The following SLC16A6 variants were observed in gnomAD, a reference collection of about 807,000 sequenced individuals.
SLC16A6 encodes monocarboxylate transporter 7.
A neutral mutation model predicts 33.8 loss-of-function variants in SLC16A6; 15 were observed. The observed-to-expected ratio is 0.44, with a 90% CI of 0.30 to 0.68. The LOEUF is 0.68. Among genes scored for constraint, SLC16A6 ranks in the 30% least tolerant of loss-of-function variants. The probability of loss-of-function intolerance (pLI) is 0.10; values close to 1 mark genes in which losing one functional copy is unlikely to be tolerated. For missense variants in SLC16A6, 451 were observed against 661.5 expected (o/e 0.68, Z 3.49); for synonymous variants, 219 against 248.4 (o/e 0.88, Z 1.11).
At position 68,271,574 on chromosome 17, in the gene SLC16A6, A is replaced by C; in HGVS notation, c.586T>G (p.Phe196Val). ...AAGATGGGTCTGAGCAGTGCTCCGA[A>C]GATGACAATGTTTAACTGTAGTAGG... The part of the protein sequence containing the change: ...VGLLQLNIVI[F>V]GALLRPIFIR... The change falls in exon 5 of 6, where the codon TTC (phenylalanine) becomes GTC (valine). Residue 196 changes from phenylalanine (F) to valine (V), a missense_variant. By Grantham distance (50) the Phe-to-Val change is conservative (BLOSUM62 -1). Around this residue, in one of 2 missense-constraint regions of SLC16A6, gnomAD observed 405 missense variants for 510.7 expected, o/e 0.79. Transcript: ENST00000580666. This position sits in a 1 kb window ranked among gnomAD's most constrained non-coding sequence, Gnocchi z 5.3. 1 of 1,614,204 alleles carries C rather than the reference A, an allele frequency of 6.2e-7. No individual in the cohort carries two copies. The highest frequency in any genetic ancestry group is 8.5e-7 in the Non-Finnish European group (1 of 1,180,030).
chr17:68,291,182 G>T (rs1028409467), upstream of SLC16A6: 1 of 152,004 alleles, frequency 6.6e-6, no homozygotes, highest in African/African-American at 2.4e-5. Context: ...CATGAGAAAA[G>T]GATTAACCCC....
Position 68,278,267 on chromosome 17 carries a change from C to T in SLC16A6, c.54G>A (p.Val18=). 6.2e-7 allele frequency: 1 copy of T among 1,614,198 alleles called. No homozygotes were observed. Among genetic ancestry groups the T allele is most frequent in the Non-Finnish European group, 8.5e-7 (1 of 1,180,020 alleles). The part of the protein sequence containing the change: ...LCSKANVYTE[V]PDGGWGWAVA... ...CCGCCCAGCCCCATCCTCCATCAGG[C>T]ACTTCAGTATACACATTGGCTTTGG... The change falls in exon 2 of 6, where the codon GTG becomes GTA. Residue 18 remains valine, a synonymous_variant. Transcript: ENST00000580666.
At chr17:68,273,564 A>G (rs2075412948) in intron 3 of SLC16A6, among the ~76,000 whole-genome samples, 1 of 152,148 alleles carries the variant, frequency 6.6e-6, no homozygotes, top group African/African-American at 2.4e-5. Context: ...CCCAAGAATA[A>G]GTCTGGCATG....
In SLC16A6 at chr17:68,267,851, T is replaced by C. The variant is rs1233856042; in HGVS notation, c.*1245A>G. Reference sequence around the variant, plus strand: ...AGTCATGTGTTATAGAAGATGTAAATTGCAACTTGTAACTCGCTATAACAT... The same window carrying C: ...AGTCATGTGTTATAGAAGATGTAAACTGCAACTTGTAACTCGCTATAACAT... On this transcript the variant is annotated 3_prime_UTR_variant, in exon 6 of 6. Transcript: ENST00000580666. 9.2e-5 allele frequency: 14 copies of C among 152,332 alleles called. No homozygotes were observed. The highest frequency in any genetic ancestry group is 5.8e-4 in the East Asian group (3 of 5,192). 9.4% of individuals were successfully genotyped at this position (152,332 alleles called of 1,614,324 possible).
At chr17:68,290,739 G>A (rs1291549807) in intron 1 of SLC16A6, among the ~76,000 whole-genome samples, 3 of 152,228 alleles carry the variant, frequency 2.0e-5, no homozygotes, top group Non-Finnish European at 4.4e-5. Context: ...GAGGGGCTGA[G>A]CCTGGAGCCC....
At position 68,274,043 on chromosome 17, in the gene SLC16A6, C is replaced by T. The variant is rs782723811; in HGVS notation, c.260G>A (p.Arg87His). Residue 87 changes from arginine to histidine, a missense_variant, in exon 3 of 6, where the codon CGT becomes CAT. By Grantham distance (29) the Arg-to-His change is conservative. Around this residue, in one of 2 missense-constraint regions of SLC16A6, gnomAD observed 405 missense variants for 510.7 expected, o/e 0.79. Coordinates refer to ENST00000580666, the MANE Select transcript of SLC16A6 (RefSeq NM_004694.5). ...SAPLATVLSN[R>H]FGHRLVVMLG... ...CATCACTACCAGACGGTGTCCGAAA[C>T]GATTGCTCAGGACTGTGGCGAGGGG... 13 of 1,613,992 alleles carry T rather than the reference C, an allele frequency of 8.1e-6. No homozygotes were observed. In the East Asian group the frequency reaches 2.4e-4, roughly 30 times the overall value.
rs782088485 is a variant in SLC16A6 at position 68,271,244 on chromosome 17, G to A, written c.916C>T (p.Leu306=). 6.2e-7 allele frequency: 1 copy of A among 1,614,142 alleles called. No individual in the cohort carries two copies. The highest frequency in any genetic ancestry group is 8.5e-7 in the Non-Finnish European group (1 of 1,180,032). ...CYALFGLFAT[L]GFFAPSLYII... ...TACAAGGAAGGTGCAAAGAATCCCA[G>A]TGTTGCAAAGAGACCAAATAATGCA... Residue 306 remains leucine (L), a synonymous_variant, in exon 5 of 6, where the codon CTG becomes TTG. Transcript: ENST00000580666. This position sits in a 1 kb window ranked among gnomAD's most constrained non-coding sequence, Gnocchi z 5.3.
Position 68,268,990 on chromosome 17 carries a change from T to C in SLC16A6, c.*106A>G. 1 of 1,532,402 alleles carries C rather than the reference T, an allele frequency of 6.5e-7. No individual in the cohort carries two copies. The highest frequency in any genetic ancestry group is 8.8e-7 in the Non-Finnish European group (1 of 1,141,276). The allele number at this position is 1,532,402 out of a possible 1,614,324, so 94.9% of individuals were successfully genotyped here. On this transcript the variant is annotated 3_prime_UTR_variant, in exon 6 of 6. Coordinates refer to ENST00000580666, the MANE Select transcript of SLC16A6 (RefSeq NM_004694.5). ...TACACATTCCCTTTAAAATGTAGTTTTGAAAGTGGAGTAGAGGGGTTAGCT... is the reference window on the plus strand; with the variant it reads ...TACACATTCCCTTTAAAATGTAGTTCTGAAAGTGGAGTAGAGGGGTTAGCT...
intron 3 of SLC16A6, among the ~76,000 whole-genome samples, chr17:68,273,153 C>G (rs1169977647): frequency 5.9e-5 from 9 of 151,816 alleles, no homozygotes; most frequent in Admixed American, 5.3e-4. Context: ...ATCTTAACAA[C>G]TGTGTGTGTA....
At chr17:68,276,828 A>G (rs532566632) in intron 2 of SLC16A6, among the ~76,000 whole-genome samples, 1 of 152,270 alleles carries the variant, frequency 6.6e-6, no homozygotes, top group South Asian at 2.1e-4. Flanking sequence ...TGACAGACCA[A>G]TGAACTCATG....
At chr17:68,270,721 T>G in intron 5 of SLC16A6, 118 bp downstream of exon 5, 1 of 862,644 alleles carries the variant, frequency 1.2e-6, no homozygotes, top group Non-Finnish European at 1.8e-6. Flanking sequence ...CCCTGGCAGC[T>G]CTAAAATTCA....
At chr17:68,273,904 C>T (rs1217265023) in intron 3 of SLC16A6, 23 bp downstream of exon 3, 1 of 1,611,458 alleles carries the variant, frequency 6.2e-7, no homozygotes, top group Non-Finnish European at 8.5e-7. Context: ...TAGACAACTT[C>T]TGAGCCAAAG....
chr17:68,277,992 A>G (rs2075578964), intron 2 of SLC16A6, 97 bp downstream of exon 2: 2 of 765,704 alleles, frequency 2.6e-6, no homozygotes, highest in East Asian at 5.3e-5. Flanking sequence ...GTATAAGGGA[A>G]TGAAAGCATC....
intron 1 of SLC16A6, among the ~76,000 whole-genome samples, chr17:68,284,531 A>G (rs1555753827): frequency 1.3e-5 from 2 of 152,222 alleles, no homozygotes; most frequent in East Asian, 1.9e-4. Context: ...TGTTGGGTCA[A>G]AGTTACTAAG....
At chr17:68,287,738 T>A (rs2075873093) in intron 1 of SLC16A6, among the ~76,000 whole-genome samples, 1 of 152,150 alleles carries the variant, frequency 6.6e-6, no homozygotes, top group Admixed American at 6.5e-5. Context: ...TAAATTTAGC[T>A]TTGAAGATAA....
At chr17:68,288,762 C>G (rs1318632528) in intron 1 of SLC16A6, among the ~76,000 whole-genome samples, 1 of 152,204 alleles carries the variant, frequency 6.6e-6, no homozygotes, top group Non-Finnish European at 1.5e-5. Context: ...AGTTGGTCTT[C>G]TTAAAGCTCT....
chr17:68,288,501 A>T (rs1555754889), intron 1 of SLC16A6, among the ~76,000 whole-genome samples: 2 of 152,064 alleles, frequency 1.3e-5, no homozygotes, highest in African/African-American at 2.4e-5. Flanking sequence ...CTGTGTAGGG[A>T]TCTAACTGGT....
intron 2 of SLC16A6, among the ~76,000 whole-genome samples, chr17:68,277,235 G>T (rs1012965921): frequency 6.6e-6 from 1 of 150,698 alleles, no homozygotes; most frequent in Admixed American, 6.6e-5. Context: ...AGGTTCACAC[G>T]ATTCTCCTAC....
At chr17:68,288,404 T>C (rs1310301396) in intron 1 of SLC16A6, among the ~76,000 whole-genome samples, 4 of 152,182 alleles carry the variant, frequency 2.6e-5, no homozygotes, top group Non-Finnish European at 5.9e-5. Context: ...TGCAGAAGCC[T>C]CTGTAAGTTC....
Sources: allele counts gnomAD v4.1 joint callset (sites outside exome capture counted in the v4.1 genomes callset), GRCh38; gene constraint gnomAD v4.1.1; regional missense constraint gnomAD v4.1.1; non-coding constraint Gnocchi (gnomAD v3.1); transcripts MANE v1.5; gene names NCBI Gene and HGNC (gene_info 2026-07-23, HGNC 2026-07-21).